The following ZFYVE21 variants were observed in gnomAD, a reference collection of about 807,000 sequenced individuals.
The protein encoded by ZFYVE21 is zinc finger FYVE-type containing 21, also known as zinc finger FYVE domain-containing protein 21.
Under a neutral mutation model 29.5 loss-of-function variants are expected in ZFYVE21, and 21 were observed. The ratio of observed to expected loss-of-function variants is 0.71; its 90% confidence interval spans 0.50 to 1.02. The LOEUF (loss-of-function observed/expected upper bound fraction) is 1.02. ZFYVE21 is among the 50% of genes least tolerant of loss of function. The pLI is 0.00. For synonymous variants in ZFYVE21, 151 were observed against 133.8 expected, an observed-to-expected ratio of 1.13 and a Z score of -0.89; for missense variants, 326 against 335.4, an observed-to-expected ratio of 0.97 and a Z score of 0.22.
chr14:103,732,377 G>C (rs1295973764), intron 5 of ZFYVE21: 2 of 394,418 alleles, frequency 5.1e-6, no homozygotes, highest in Non-Finnish European at 8.6e-6. Flanking sequence ...TGTTTGTCCC[G>C]GGCCCTGGGG....
chr14:103,731,026 G>C (rs1232397947), intron 5 of ZFYVE21: 1 of 152,362 alleles, frequency 6.6e-6, no homozygotes, highest in African/African-American at 2.4e-5. Flanking sequence ...TGTGGTTCTA[G>C]AGGCCCGGCA....
At chr14:103,729,531 G>A in intron 5 of ZFYVE21, 1 of 585,170 alleles carries the variant, frequency 1.7e-6, no homozygotes, top group Non-Finnish European at 3.0e-6. Context: ...AAAAAGGTCT[G>A]AATGGTGGCT....
intron 1 of ZFYVE21, among the ~76,000 whole-genome samples, chr14:103,723,190 T>C (rs2083888789): frequency 6.6e-6 from 1 of 152,200 alleles, no homozygotes; most frequent in South Asian, 2.1e-4. Flanking sequence ...CCCGTGAAGC[T>C]TTCTCTAGCA....
intron 5 of ZFYVE21, chr14:103,729,506 A>G (rs373546610): frequency 7.0e-6 from 4 of 575,104 alleles, no homozygotes; most frequent in African/African-American, 3.7e-5. Flanking sequence ...CCCAAATGCA[A>G]TAACTGAGAT....
intron 1 of ZFYVE21, among the ~76,000 whole-genome samples, chr14:103,722,808 G>A (rs929005440): frequency 2.7e-5 from 4 of 150,942 alleles, no homozygotes; most frequent in East Asian, 2.0e-4. Flanking sequence ...GACAGACTCC[G>A]TCTCAAAAAA....
intron 2 of ZFYVE21, chr14:103,727,373 T>TC: frequency 7.7e-6 from 1 of 129,272 alleles, no homozygotes. Flanking sequence ...CCCCGCCCCC[T>TC]CTGCCCCCTC....
intron 5 of ZFYVE21, chr14:103,729,665 T>C: frequency 8.5e-7 from 1 of 1,182,052 alleles, no homozygotes; most frequent in Middle Eastern, 1.9e-4. Context: ...GACGGGGAGC[T>C]CGCATCCCGT....
chr14:103,731,934 A>C (rs1222222869), intron 5 of ZFYVE21: 1 of 152,250 alleles, frequency 6.6e-6, no homozygotes, highest in Non-Finnish European at 1.5e-5. Context: ...GCTGGAATTG[A>C]GTCATTGTCA....
intron 1 of ZFYVE21, among the ~76,000 whole-genome samples, chr14:103,717,314 G>A (rs1309431440): frequency 2.6e-5 from 4 of 152,288 alleles, no homozygotes; most frequent in Non-Finnish European, 5.9e-5. Flanking sequence ...GTTGACACGT[G>A]AAAATTGTAT....
chr14:103,729,330 G>C lies in ZFYVE21; in HGVS notation c.526+148G>C. ...GGACAATCTGCCTTTCCTCTTTCGC[G>C]GGGCGTGTATTTACTCAGTGGCTTT... is the stretch of plus-strand genomic sequence containing the variant. On this transcript the variant is annotated intron_variant, in intron 5 of 6. Transcript: ENST00000311141. 8.2e-6 allele frequency: 6 copies of C among 728,352 alleles called. No homozygotes were observed. The South Asian group carries it at 1.1e-4, about 13-fold the overall frequency. The allele number at this position is 728,352 out of a possible 1,614,324, so 45.1% of individuals were successfully genotyped here.
At chr14:103,730,075 G>T in intron 5 of ZFYVE21, 1 of 560,644 alleles carries the variant, frequency 1.8e-6, no homozygotes, top group Non-Finnish European at 3.1e-6. Context: ...CAGCGGGAGG[G>T]TTACCCAGCA....
Position 103,726,833 on chromosome 14 carries a change from C to T in ZFYVE21, c.180C>T (p.Leu60=), listed in dbSNP as rs1351971717. Residue 60 remains leucine, a synonymous_variant, in exon 2 of 7, where the codon CTC becomes CTT. Transcript: ENST00000311141. ...AGTGTGACGCCAAGTTTGACTTTCT[C>T]ACCAGAAAGGTGAGCTGAGGCCGCT... ...CMQCDAKFDF[L]TRKHHCRRCG... 1.2e-6 allele frequency: 2 copies of T among 1,613,988 alleles called. No homozygotes were observed. Among genetic ancestry groups the T allele is most frequent in the Non-Finnish European group, 1.7e-6 (2 of 1,180,000 alleles).
intron 5 of ZFYVE21, 50 bp from the exon 6 acceptor site, chr14:103,732,552 TGGGGCTGGTGGCCGCCTG>T: frequency 4.0e-6 from 6 of 1,501,182 alleles, no homozygotes; most frequent in Non-Finnish European, 4.4e-6. Flanking sequence ...GCCACCGCCT[TGGGGCTGGTGGCCGCCTG>T]GGCACTCAGG....
chr14:103,727,501 A>G, intron 2 of ZFYVE21: 1 of 663,836 alleles, frequency 1.5e-6, no homozygotes, highest in Non-Finnish European at 2.8e-6. Context: ...TAGTTGAAAG[A>G]AAGCTGAAAA....
chr14:103,724,506 C>T (rs2083901775), intron 1 of ZFYVE21: 1 of 152,288 alleles, frequency 6.6e-6, no homozygotes, highest in African/African-American at 2.4e-5. Context: ...ACTTCAGGCC[C>T]TCAGTTTATG....
chr14:103,732,857 A>G (rs2083998016), intron 6 of ZFYVE21, 95 bp downstream of exon 6: 2 of 1,599,616 alleles, frequency 1.3e-6, no homozygotes, highest in Non-Finnish European at 8.5e-7. Flanking sequence ...TTTGCCCCCT[A>G]TCCCCACAAC....
chr14:103,729,783 C>T (rs2083958415), intron 5 of ZFYVE21: 1 of 1,536,438 alleles, frequency 6.5e-7, no homozygotes, highest in Admixed American at 2.0e-5. Context: ...TGCCCACCTT[C>T]TTGCCATAGA....
intron 1 of ZFYVE21, 173 bp from the exon 2 acceptor site, chr14:103,726,619 G>T (rs561352795): frequency 1.3e-6 from 1 of 783,650 alleles, no homozygotes; most frequent in Non-Finnish European, 2.1e-6. Flanking sequence ...TGGCTCTGGA[G>T]CCTGGGCACA....
At chr14:103,720,883 C>T (rs769211333) in intron 1 of ZFYVE21, among the ~76,000 whole-genome samples, 11 of 152,254 alleles carry the variant, frequency 7.2e-5, no homozygotes, top group East Asian at 1.9e-4. Context: ...AGTGCAGTGG[C>T]GCGATCTCGG....
Sources: allele counts gnomAD v4.1 joint callset (sites outside exome capture counted in the v4.1 genomes callset), GRCh38; gene constraint gnomAD v4.1.1; transcripts MANE v1.5; gene names NCBI Gene and HGNC (gene_info 2026-07-23, HGNC 2026-07-21).